The following CC2D2A variants were observed in gnomAD, a reference collection of about 807,000 sequenced individuals.
The protein encoded by CC2D2A is coiled-coil and C2 domain-containing protein 2A.
In CC2D2A, 155 loss-of-function variants were observed where a neutral mutation model predicts 212.9. The observed-to-expected ratio is 0.73, with a 90% CI of 0.64 to 0.83. The LOEUF is 0.83. CC2D2A is among the 40% of genes least tolerant of loss of function. The probability of loss-of-function intolerance (pLI) is 0.00; values close to 1 mark genes in which losing one functional copy is unlikely to be tolerated. For synonymous variants in CC2D2A, 667 were observed against 686.5 expected, an observed-to-expected ratio of 0.97 and a Z score of 0.44; for missense variants, 1,856 against 1,956.2, an observed-to-expected ratio of 0.95 and a Z score of 0.97.
intron 32 of CC2D2A, among the ~76,000 whole-genome samples, chr4:15,588,157 G>A (rs190666877): frequency 1.2e-3 from 184 of 152,196 alleles, no homozygotes; most frequent in African/African-American, 4.1e-3. Context: ...TGGCAAACCC[G>A]AACCCTTTAC....
intron 14 of CC2D2A, among the ~76,000 whole-genome samples, chr4:15,535,589 T>A (rs1207391113): frequency 6.6e-6 from 1 of 152,090 alleles, no homozygotes; most frequent in Non-Finnish European, 1.5e-5. Flanking sequence ...AAGTGAATGG[T>A]TTTCTGTATA....
chr4:15,579,887 T>C lies in CC2D2A; in HGVS notation c.3772-81T>C. ...TCATATTCCCAAACCATACATTTCC[T>C]GCATGTTGACTGTGGAATCTGAACA... On this transcript the variant is annotated intron_variant, in intron 29 of 36. Transcript: ENST00000424120. 2.7e-6 allele frequency: 3 copies of C among 1,091,456 alleles called. No individual in the cohort carries two copies. In the South Asian group the frequency reaches 4.0e-5, roughly 15 times the overall value. The allele number at this position is 1,091,456 out of a possible 1,614,324, so 67.6% of individuals were successfully genotyped here.
chr4:15,511,540 C>T, intron 8 of CC2D2A, 117 bp downstream of exon 8: 2 of 917,550 alleles, frequency 2.2e-6, no homozygotes, highest in South Asian at 2.3e-5. Context: ...GAGAATGACA[C>T]TCCACGTCTG....
rs1719215976 is a variant in CC2D2A at position 15,555,183 on chromosome 4, C to T, written c.2598C>T (p.Asn866=). 1.2e-6 allele frequency: 2 copies of T among 1,613,740 alleles called. No homozygotes were observed. The highest frequency in any genetic ancestry group is 1.7e-5 in the Admixed American group (1 of 59,992). The change falls in exon 20 of 37, where the codon AAC becomes AAT. Residue 866 remains asparagine, a synonymous_variant. Coordinates refer to ENST00000424120, the MANE Select transcript of CC2D2A (RefSeq NM_001378615.1). ...AESKLDPNDP[N]NAPLMQLISV... is the part of the protein sequence containing the mutation. Reference sequence around the variant, plus strand: ...CCAAGCTCGACCCAAATGACCCCAACAATGCCCCTTTGATGCAGCTTATCT... The same window carrying T: ...CCAAGCTCGACCCAAATGACCCCAATAATGCCCCTTTGATGCAGCTTATCT...
chr4:15,497,416 G>A (rs1184043483), intron 4 of CC2D2A, among the ~76,000 whole-genome samples: 1 of 152,154 alleles, frequency 6.6e-6, no homozygotes, highest in East Asian at 1.9e-4. Flanking sequence ...CACTGGGAAT[G>A]GAGAGGCAGA....
Position 15,513,373 on chromosome 4 carries a change from T to G in CC2D2A, c.718-1334T>G, listed in dbSNP as rs71601480. Among the ~76,000 whole-genome samples, 832 of 152,352 alleles carry G rather than the reference T, an allele frequency of 5.5e-3. 10 individuals carry two copies. The highest frequency in any genetic ancestry group is 0.01 in the Non-Finnish European group (708 of 68,040). ...AAGCAAGTCACGAGACGTAGTGCAC[T>G]CTCAAATGGAGGAGAATTGGGCTTC... On this transcript the variant is annotated intron_variant, in intron 8 of 36. Coordinates refer to ENST00000424120, the MANE Select transcript of CC2D2A (RefSeq NM_001378615.1).
rs1720996573 is a variant in CC2D2A at position 15,589,536 on chromosome 4, T to G, written c.4180-9T>G. ...TTGAAAACTAGTTTTAATGGCCATC[T>G]TCTTTCAGGGTCCAACTGCCTATGT... On this transcript the variant is annotated splice_polypyrimidine_tract_variant and intron_variant, in intron 32 of 36. Transcript: ENST00000424120. 1 of 1,610,968 alleles carries G rather than the reference T, an allele frequency of 6.2e-7. No individual in the cohort carries two copies. Among genetic ancestry groups the G allele is most frequent in the Non-Finnish European group, 8.5e-7 (1 of 1,178,040 alleles).
Position 15,580,189 on chromosome 4 carries a change from A to G in CC2D2A, c.3975+18A>G, listed in dbSNP as rs1720599247. ...CAACTGCAGTAAGTATTTCATAGTC[A>G]ATAAGTGCTGTGCTAAAACTGTTTT... On this transcript the variant is annotated intron_variant, in intron 30 of 36. Transcript: ENST00000424120. 1 of 1,581,858 alleles carries G rather than the reference A, an allele frequency of 6.3e-7. No homozygotes were observed. Among genetic ancestry groups the G allele is most frequent in the African/African-American group, 1.3e-5 (1 of 74,272 alleles).
chr4:15,518,568 C>T (rs186506689), intron 11 of CC2D2A, among the ~76,000 whole-genome samples: 63 of 152,314 alleles, frequency 4.1e-4, no homozygotes, highest in Admixed American at 1.9e-3. Flanking sequence ...GAGCTCCAAC[C>T]GCACATTTCC....
In CC2D2A at chr4:15,553,256, G is replaced by A. The variant is rs375167917; in HGVS notation, c.2437G>A (p.Gly813Arg). ...HSVAWAIGEN[G>R]IPLIPPLSQQ... ...TGTGGCATGGGCCATTGGAGAAAAC[G>A]GGATACCTTTAATTCCTCCATTGTC... is the stretch of plus-strand genomic sequence containing the variant. Residue 813 changes from glycine to arginine, a missense_variant, in exon 19 of 37, where the codon GGG (glycine) becomes AGG (arginine). By Grantham distance (125) the Gly-to-Arg change is moderately radical. Transcript: ENST00000424120. 51 of 1,613,266 alleles carry A rather than the reference G, an allele frequency of 3.2e-5. No homozygotes were observed. Among genetic ancestry groups the A allele is most frequent in the African/African-American group, 2.7e-4 (20 of 74,988 alleles).
chr4:15,528,548 T>A (rs1717632623), intron 12 of CC2D2A, 72 bp from the exon 13 acceptor site: 2 of 1,244,414 alleles, frequency 1.6e-6, no homozygotes, highest in Non-Finnish European at 2.4e-6. Context: ...CCAGGAGAAG[T>A]GGGTGGGTCC....
At chr4:15,484,679 C>G (rs1340917917) in intron 4 of CC2D2A, among the ~76,000 whole-genome samples, 1 of 152,102 alleles carries the variant, frequency 6.6e-6, no homozygotes, top group Non-Finnish European at 1.5e-5. Flanking sequence ...AAGGTTGCCT[C>G]CATGGTTTTT....
rs887819287 is a variant in CC2D2A, at chr4:15,572,117, A to C, written c.3594+1621A>C. Among the ~76,000 whole-genome samples, 66 of 152,318 alleles carry C rather than the reference A, an allele frequency of 4.3e-4. 1 individual carries two copies. The highest frequency in any genetic ancestry group is 1.6e-3 in the African/African-American group (66 of 41,564). ...TAACAAGTAGAAACCTGATTCAACA[A>C]TAATAATATTAATAACAATATTTAT... On this transcript the variant is annotated intron_variant, in intron 28 of 36. Coordinates refer to ENST00000424120, the MANE Select transcript of CC2D2A (RefSeq NM_001378615.1).
At chr4:15,587,516 G>C (rs1720904873) in intron 31 of CC2D2A, among the ~76,000 whole-genome samples, 1 of 152,102 alleles carries the variant, frequency 6.6e-6, no homozygotes, top group Non-Finnish European at 1.5e-5. Flanking sequence ...TTTAGCACAT[G>C]AACTATATAT....
rs1218109597 is a variant in CC2D2A at position 15,567,562 on chromosome 4, C to T, written c.3288+80C>T. 3.0e-6 allele frequency: 4 copies of T among 1,353,534 alleles called. No homozygotes were observed. The Admixed American group carries it at 9.1e-5, about 31-fold the overall frequency. 83.8% of individuals were successfully genotyped at this position (1,353,534 alleles called of 1,614,324 possible). On this transcript the variant is annotated intron_variant, in intron 25 of 36. Transcript: ENST00000424120. Reference sequence around the variant, plus strand: ...GACTGTAAACTTCATGGATAGTCTGCTCTCTGCTTCATTTTCTTTGGAAAC... The same window carrying T: ...GACTGTAAACTTCATGGATAGTCTGTTCTCTGCTTCATTTTCTTTGGAAAC...
At chr4:15,554,475 C>T (rs1222919217) in intron 19 of CC2D2A, among the ~76,000 whole-genome samples, 2 of 152,086 alleles carry the variant, frequency 1.3e-5, no homozygotes, top group African/African-American at 4.8e-5. Flanking sequence ...GAGTTTGAGA[C>T]CAGCCTAGCC....
intron 36 of CC2D2A, 133 bp from the exon 37 acceptor site, chr4:15,601,104 A>C (rs1721572678): frequency 1.3e-6 from 1 of 755,536 alleles, no homozygotes; most frequent in Non-Finnish European, 2.1e-6. Flanking sequence ...ATTGCTAATA[A>C]AAAGCTGAGT....
At position 15,580,101 on chromosome 4, in the gene CC2D2A, G is replaced by A. The variant is rs988477564; in HGVS notation, c.3905G>A (p.Arg1302His). 4.3e-6 allele frequency: 7 copies of A among 1,613,876 alleles called. No homozygotes were observed. Among genetic ancestry groups the A allele is most frequent in the Non-Finnish European group, 5.1e-6 (6 of 1,179,848 alleles). The change falls in exon 30 of 37, where the codon CGT (arginine) becomes CAT (histidine). Residue 1302 changes from arginine (R) to histidine (H), a missense_variant. By Grantham distance (29) the Arg-to-His change is conservative. This residue lies in a region of CC2D2A where 1,512 missense variants were observed against 1,579.3 expected (regional missense o/e 0.96). Transcript: ENST00000424120. ...AGCGGAAAAACTGTTTTTATCACACGTTATCTCAAACCTTTAAACCCTCCT... is the reference window on the plus strand; with the variant it reads ...AGCGGAAAAACTGTTTTTATCACACATTATCTCAAACCTTTAAACCCTCCT... ...DISGKTVFITRYLKPLNPPQE... is the reference protein window; with the variant it reads ...DISGKTVFITHYLKPLNPPQE...
intron 11 of CC2D2A, among the ~76,000 whole-genome samples, chr4:15,525,475 ATAATAC>A (rs1215925043): frequency 1.4e-5 from 2 of 139,860 alleles, no homozygotes; most frequent in Admixed American, 1.4e-4. Flanking sequence ...TTAAAAACTA[ATAATAC>A]TAATGCAGTT....
Sources: allele counts gnomAD v4.1 joint callset (sites outside exome capture counted in the v4.1 genomes callset), GRCh38; gene constraint gnomAD v4.1.1; regional missense constraint gnomAD v4.1.1; transcripts MANE v1.5; gene names NCBI Gene and HGNC (gene_info 2026-07-23, HGNC 2026-07-21).